The following DCP1B variants were observed in gnomAD, a reference collection of about 807,000 sequenced individuals.
The protein encoded by DCP1B is decapping mRNA 1B.
In DCP1B, 47 loss-of-function variants were observed where a neutral mutation model predicts 60.5. The observed-to-expected ratio is 0.78, with a 90% CI of 0.61 to 0.99. DCP1B has a LOEUF of 0.99. Ranked by LOEUF, DCP1B falls within the 50% of genes least tolerant of loss-of-function variation. DCP1B has a pLI of 0.00. For synonymous variants in DCP1B, 267 were observed against 280.3 expected (o/e 0.95, Z 0.47); for missense variants, 725 against 756.8 (o/e 0.96, Z 0.49).
chr12:1,982,991 A>G (rs1006792715), intron 3 of DCP1B, among the ~76,000 whole-genome samples: 40 of 152,014 alleles, frequency 2.6e-4, no homozygotes, highest in Non-Finnish European at 1.8e-4. Flanking sequence ...TTCTTGAGTT[A>G]ATTCTGATGA....
Position 1,952,929 on chromosome 12 carries a change from A to C in DCP1B, c.1011T>G (p.Pro337=). 1 of 1,614,184 alleles carries C rather than the reference A, an allele frequency of 6.2e-7. No homozygotes were observed. The highest frequency in any genetic ancestry group is 1.1e-5 in the South Asian group (1 of 91,086). The change falls in exon 7 of 9, where the codon CCT becomes CCG. Residue 337 remains proline (P), a synonymous_variant. Transcript: ENST00000280665. ...FFTGPVQPGS[P]HNIGTSRGVQ... is the part of the protein sequence containing the mutation. ...CACCACGAGAAGTTCCAATGTTGTGAGGAGACCCTGGCTGGACAGGTCCTG... is the reference window on the plus strand; with the variant it reads ...CACCACGAGAAGTTCCAATGTTGTGCGGAGACCCTGGCTGGACAGGTCCTG...
At chr12:1,942,774 T>C (rs961747905), downstream of DCP1B, among the ~76,000 whole-genome samples, 1 of 152,182 alleles carries the variant, frequency 6.6e-6, no homozygotes, top group Admixed American at 6.5e-5. Context: ...CCAGAATCTC[T>C]GGGACACATC....
rs2030534891 is a variant in DCP1B at position 1,948,642 on chromosome 12, ATTATT to A, written c.1773+439_1773+443del. Reference sequence around the variant, plus strand: ...AAACATACCTGTAGCAGCCATGGCCATTATTTGCTTCCCTCCCTGTTTTCCACTCG... The same window carrying A: ...AAACATACCTGTAGCAGCCATGGCCATGCTTCCCTCCCTGTTTTCCACTCG... On this transcript the variant is annotated intron_variant, in intron 8 of 8. Transcript: ENST00000280665. The surrounding 1 kb of genome is among the most constrained non-coding windows in gnomAD (Gnocchi z 4.8). 2.0e-5 allele frequency among the ~76,000 whole-genome samples: 3 copies of A among 152,264 alleles called. No individual in the cohort carries two copies. Among genetic ancestry groups the A allele is most frequent in the African/African-American group, 7.2e-5 (3 of 41,556 alleles).
At chr12:1,942,532 T>C (rs2030305917), downstream of DCP1B, among the ~76,000 whole-genome samples, 1 of 152,190 alleles carries the variant, frequency 6.6e-6, no homozygotes, top group Non-Finnish European at 1.5e-5. Context: ...ATTGACCACA[T>C]AATCGGAAGT....
At chr12:1,989,937 T>C (rs2038922722) in intron 3 of DCP1B, among the ~76,000 whole-genome samples, 1 of 152,204 alleles carries the variant, frequency 6.6e-6, no homozygotes, top group Non-Finnish European at 1.5e-5. Flanking sequence ...CTCTAATAAC[T>C]GATATATGCT....
Position 1,972,152 on chromosome 12 carries a change from A to C in DCP1B, c.320-4242T>G, listed in dbSNP as rs1473619375. Among the ~76,000 whole-genome samples, 9 of 152,268 alleles carry C rather than the reference A, an allele frequency of 5.9e-5. No homozygotes were observed. In the South Asian group the frequency reaches 1.9e-3, roughly 32 times the overall value. On this transcript the variant is annotated intron_variant, in intron 3 of 8. Coordinates refer to ENST00000280665, the MANE Select transcript of DCP1B (RefSeq NM_152640.5). ...CCTCTTTTTACTTGGAAAGCCACGGAAACGTGGTAGTGTGACATTACACAA... is the reference window on the plus strand; with the variant it reads ...CCTCTTTTTACTTGGAAAGCCACGGCAACGTGGTAGTGTGACATTACACAA...
At chr12:1,972,484 T>TAA (rs568541883) in intron 3 of DCP1B, among the ~76,000 whole-genome samples, 1 of 151,798 alleles carries the variant, frequency 6.6e-6, no homozygotes, top group African/African-American at 2.4e-5. Flanking sequence ...CCAAGATATT[T>TAA]AAAAAAAACA....
chr12:1,966,171 GT>G (rs1351827100), intron 4 of DCP1B: 2 of 152,318 alleles, frequency 1.3e-5, no homozygotes, highest in African/African-American at 4.8e-5. Context: ...CCAATTTAGA[GT>G]TCTGAAATAC....
intron 3 of DCP1B, among the ~76,000 whole-genome samples, chr12:1,984,633 GA>G (rs940486609): frequency 6.6e-6 from 1 of 151,788 alleles, no homozygotes; most frequent in Admixed American, 6.6e-5. Context: ...TTTGAGAGGA[GA>G]AAAAATAAAT....
At chr12:1,985,435 A>C (rs1386542950) in intron 3 of DCP1B, among the ~76,000 whole-genome samples, 1 of 152,096 alleles carries the variant, frequency 6.6e-6, no homozygotes, top group Non-Finnish European at 1.5e-5. Flanking sequence ...TTCAGTTCCA[A>C]ATTTTCCATT....
intron 3 of DCP1B, among the ~76,000 whole-genome samples, chr12:1,981,356 A>C (rs910927605): frequency 6.6e-6 from 1 of 152,238 alleles, no homozygotes; most frequent in African/African-American, 2.4e-5. Flanking sequence ...AAGAAATCCA[A>C]TAAAAACAAT....
intron 5 of DCP1B, among the ~76,000 whole-genome samples, chr12:1,959,787 G>A (rs917001085): frequency 4.6e-5 from 7 of 151,884 alleles, no homozygotes; most frequent in African/African-American, 1.5e-4. Context: ...GTGAAACCCC[G>A]TCTCTACTAA....
downstream of DCP1B, among the ~76,000 whole-genome samples, chr12:1,945,589 T>C (rs2030390105): frequency 6.6e-6 from 1 of 152,222 alleles, no homozygotes; most frequent in South Asian, 2.1e-4. Flanking sequence ...ACACGTATGT[T>C]TATTGCAGCA....
At chr12:1,949,012 T>C in intron 8 of DCP1B, 74 bp downstream of exon 8, 1 of 1,562,358 alleles carries the variant, frequency 6.4e-7, no homozygotes, top group South Asian at 1.2e-5. Flanking sequence ...CTTGGCTGAG[T>C]CTTTATCTCA....
Position 1,949,318 on chromosome 12 carries a change from C to T in DCP1B, c.1541G>A (p.Arg514His), listed in dbSNP as rs771012070. The change falls in exon 8 of 9, where the codon CGC becomes CAC. Residue 514 changes from arginine to histidine, a missense_variant. Physicochemically the swap from Arg to His is conservative, Grantham distance 29. Transcript: ENST00000280665. ...TPLFQVISPQ[R>H]IPATAAPSLL... Reference sequence around the variant, plus strand: ...AGACGGAGCTGCTGTAGCAGGGATGCGCTGAGGTGAGATGACCTGCTCACA... The same window carrying T: ...AGACGGAGCTGCTGTAGCAGGGATGTGCTGAGGTGAGATGACCTGCTCACA... 3.7e-6 allele frequency: 6 copies of T among 1,613,932 alleles called. No individual in the cohort carries two copies. Among genetic ancestry groups the T allele is most frequent in the East Asian group, 4.5e-5 (2 of 44,876 alleles).
chr12:1,946,436 A>C (rs2030426962), intron 8 of DCP1B, 150 bp from the exon 9 acceptor site: 1 of 590,976 alleles, frequency 1.7e-6, no homozygotes, highest in African/African-American at 1.9e-5. Context: ...GCATGTGTGA[A>C]TGTTAAGTGG....
Position 1,948,256 on chromosome 12 carries a change from T to G in DCP1B, c.1773+830A>C, listed in dbSNP as rs1192182847. On this transcript the variant is annotated intron_variant, in intron 8 of 8. Transcript: ENST00000280665. This position sits in a 1 kb window ranked among gnomAD's most constrained non-coding sequence, Gnocchi z 4.8. ...TGAATGTTCTCCCGAGGCTGGTCCCTGCCAACATTCATGTGGTGAACGTGG... is the reference window on the plus strand; with the variant it reads ...TGAATGTTCTCCCGAGGCTGGTCCCGGCCAACATTCATGTGGTGAACGTGG... Among the ~76,000 whole-genome samples, 5 of 152,244 alleles carry G rather than the reference T, an allele frequency of 3.3e-5. No homozygotes were observed.
At chr12:1,964,209 ATATGATATTCAATTACATACATT>A (rs2031219436) in intron 5 of DCP1B, among the ~76,000 whole-genome samples, 2 of 152,196 alleles carry the variant, frequency 1.3e-5, no homozygotes, top group Admixed American at 1.3e-4. Context: ...TTATGTGACA[ATATGATATTCAATTACATACATT>A]TATTTCAGCT....
intron 5 of DCP1B, among the ~76,000 whole-genome samples, chr12:1,963,328 C>T (rs1225787971): frequency 6.6e-6 from 1 of 152,184 alleles, no homozygotes; most frequent in African/African-American, 2.4e-5. Context: ...TCTCTCCACA[C>T]GTACTAGCTG....
Sources: allele counts gnomAD v4.1 joint callset (sites outside exome capture counted in the v4.1 genomes callset), GRCh38; gene constraint gnomAD v4.1.1; non-coding constraint Gnocchi (gnomAD v3.1); transcripts MANE v1.5; gene names NCBI Gene and HGNC (gene_info 2026-07-23, HGNC 2026-07-21).